KIAA1217: variants seen among roughly 807,000 people sequenced by gnomAD.
KIAA1217 encodes the protein sickle tail protein homolog.
A neutral mutation model predicts 163.9 loss-of-function variants in KIAA1217; 88 were observed. The observed-to-expected ratio is 0.54, with a 90% CI of 0.45 to 0.64. The LOEUF (loss-of-function observed/expected upper bound fraction) is 0.64. Ranked by LOEUF, KIAA1217 falls within the 30% of genes least tolerant of loss-of-function variation. KIAA1217 has a pLI of 0.00. For synonymous variants in KIAA1217, 903 were observed against 923.1 expected, an observed-to-expected ratio of 0.98 and a Z score of 0.39; for missense variants, 2,372 against 2,475.0, an observed-to-expected ratio of 0.96 and a Z score of 0.88.
At chr10:23,709,157 G>A (rs1837072017) in intron 1 of KIAA1217, among the ~76,000 whole-genome samples, 2 of 152,104 alleles carry the variant, frequency 1.3e-5, no homozygotes, top group South Asian at 2.1e-4. Context: ...ACCAGCCTGC[G>A]GCCACTTGAC....
In KIAA1217 at chr10:24,543,074, C is replaced by T. The variant is rs267602449; in HGVS notation, c.3804C>T (p.Phe1268=). 6.8e-5 allele frequency: 109 copies of T among 1,613,442 alleles called. No individual in the cohort carries two copies. The highest frequency in any genetic ancestry group is 1.1e-4 in the South Asian group (10 of 91,042). The change falls in exon 19 of 21, where the codon TTC becomes TTT. Residue 1268 remains phenylalanine (F), a synonymous_variant. Transcript: ENST00000376454. ...YSQETVPKAS[F]GFSGISPLED... ...AGGAAACTGTGCCTAAGGCCAGTTT[C>T]GGTTTCTCTGGCATTAGTCCATTAG...
intron 2 of KIAA1217, among the ~76,000 whole-genome samples, chr10:24,147,874 A>G (rs1210265427): frequency 6.7e-6 from 1 of 149,670 alleles, no homozygotes; most frequent in African/African-American, 2.5e-5. Flanking sequence ...AAAGAAAGAG[A>G]AAAGAAAAGA....
intron 2 of KIAA1217, among the ~76,000 whole-genome samples, chr10:24,337,497 G>T (rs1041606500): frequency 1.3e-5 from 2 of 152,076 alleles, no homozygotes; most frequent in Non-Finnish European, 2.9e-5. Flanking sequence ...CTGCCCATGC[G>T]CATCACACTT....
At chr10:23,892,971 G>A (rs1841480909) in intron 1 of KIAA1217, among the ~76,000 whole-genome samples, 1 of 151,946 alleles carries the variant, frequency 6.6e-6, no homozygotes, top group Admixed American at 6.6e-5. Flanking sequence ...TTGTGTCTCT[G>A]CCCGGCTTTG....
At chr10:24,377,817 CT>C (rs1203195410) in intron 2 of KIAA1217, among the ~76,000 whole-genome samples, 1 of 152,108 alleles carries the variant, frequency 6.6e-6, no homozygotes, top group Non-Finnish European at 1.5e-5. Context: ...TGTGAGCATC[CT>C]AGCAGCTTAG....
chr10:24,031,282 G>A (rs187011560), intron 2 of KIAA1217, among the ~76,000 whole-genome samples: 4 of 152,156 alleles, frequency 2.6e-5, no homozygotes, highest in East Asian at 3.9e-4. Context: ...TTTCTCTAAT[G>A]ATTAGTGACG....
At chr10:23,712,882 C>A (rs563104553) in intron 1 of KIAA1217, among the ~76,000 whole-genome samples, 2 of 152,176 alleles carry the variant, frequency 1.3e-5, no homozygotes, top group Admixed American at 6.6e-5. Flanking sequence ...AGAAGATTTT[C>A]ATATTACCTC....
At chr10:24,405,482 G>A (rs368321363) in intron 3 of KIAA1217, among the ~76,000 whole-genome samples, 1 of 152,064 alleles carries the variant, frequency 6.6e-6, no homozygotes, top group Non-Finnish European at 1.5e-5. Context: ...AAAAATACCT[G>A]GCAGAAACAA....
Position 23,852,731 on chromosome 10 carries a change from G to A in KIAA1217, c.-320-154494G>A, listed in dbSNP as rs536805714. 1.7e-3 allele frequency among the ~76,000 whole-genome samples: 252 copies of A among 151,958 alleles called. 1 individual carries two copies. Among genetic ancestry groups the A allele is most frequent in the East Asian group, 2.9e-3 (15 of 5,160 alleles). On this transcript the variant is annotated intron_variant, in intron 1 of 18. Transcript: ENST00000376462. ...AGTTCTCCTTGAAGAGGTCCTTCAC[G>A]TCCCTTGTAAGTTGGATTCCTAGGT...
intron 2 of KIAA1217, among the ~76,000 whole-genome samples, chr10:24,238,132 A>C (rs929298850): frequency 9.2e-5 from 14 of 152,232 alleles, no homozygotes; most frequent in African/African-American, 3.4e-4. Flanking sequence ...AGTTAACAGC[A>C]GACTGCTCCT....
chr10:23,881,097 T>C (rs1365944688), intron 1 of KIAA1217, among the ~76,000 whole-genome samples: 1 of 141,334 alleles, frequency 7.1e-6, no homozygotes, highest in East Asian at 2.0e-4. Flanking sequence ...CTGGAGTAGA[T>C]AAAAAAAAAA....
At chr10:24,538,968 G>A (rs7910851) in intron 17 of KIAA1217, among the ~76,000 whole-genome samples, 32,619 of 151,654 alleles carry the variant, frequency 0.22, 3,602 homozygotes, top group Middle Eastern at 0.39. Flanking sequence ...TCCTGACCTC[G>A]TGATCCACCC....
intron 2 of KIAA1217, among the ~76,000 whole-genome samples, chr10:24,066,464 A>G (rs11013876): frequency 0.024 from 3,678 of 152,258 alleles, 156 homozygotes; most frequent in African/African-American, 0.082. Flanking sequence ...AATGTTGAAT[A>G]TTGGCCCCCA....
intron 1 of KIAA1217, among the ~76,000 whole-genome samples, chr10:23,729,592 T>A (rs1372797508): frequency 6.6e-6 from 1 of 152,174 alleles, no homozygotes; most frequent in African/African-American, 2.4e-5. Flanking sequence ...ACTTCTTTAG[T>A]AGGGTGTCTG....
intron 2 of KIAA1217, among the ~76,000 whole-genome samples, chr10:24,024,092 A>T (rs72773150): frequency 0.22 from 33,595 of 151,458 alleles, 4,486 homozygotes; most frequent in Middle Eastern, 0.4. Flanking sequence ...TGTTTTTTAA[A>T]TTTTAAATGT....
chr10:23,959,810 T>G lies in KIAA1217; in HGVS notation c.-320-47415T>G, dbSNP rs542690891. On this transcript the variant is annotated intron_variant, in intron 1 of 18. Coordinates refer to the KIAA1217 transcript ENST00000376462. ...TGTTCAGATTCTCCTTGGCATCTCC[T>G]TGTCTTCGAGGATAAGGACGTTTCT... 8.5e-5 allele frequency among the ~76,000 whole-genome samples: 13 copies of G among 152,214 alleles called. No individual in the cohort carries two copies. In the South Asian group the frequency reaches 2.1e-3, roughly 24 times the overall value.
chr10:24,497,118 C>A (rs754564115), intron 8 of KIAA1217, among the ~76,000 whole-genome samples: 20 of 152,174 alleles, frequency 1.3e-4, no homozygotes, highest in African/African-American at 1.2e-4. Context: ...TATAATAATT[C>A]TTCCAGAATG....
At chr10:24,038,634 A>G (rs534674786) in intron 2 of KIAA1217, among the ~76,000 whole-genome samples, 50 of 152,298 alleles carry the variant, frequency 3.3e-4, no homozygotes, top group Non-Finnish European at 3.2e-4. Flanking sequence ...CAGCCGAGGA[A>G]AATTGGATCC....
At chr10:24,518,110 T>C (rs569511255) in intron 10 of KIAA1217, among the ~76,000 whole-genome samples, 1 of 152,362 alleles carries the variant, frequency 6.6e-6, no homozygotes, top group South Asian at 2.1e-4. Flanking sequence ...TGCATGCTTC[T>C]TTTTAACAAA....
Sources: allele counts gnomAD v4.1 joint callset (sites outside exome capture counted in the v4.1 genomes callset), GRCh38; gene constraint gnomAD v4.1.1; transcripts MANE v1.5; gene names NCBI Gene and HGNC (gene_info 2026-07-23, HGNC 2026-07-21).